RCOR2: variants seen among roughly 807,000 people sequenced by gnomAD.
The protein encoded by RCOR2 is REST corepressor 2.
Under a neutral mutation model 58.9 loss-of-function variants are expected in RCOR2, and 19 were observed. That is an observed-to-expected ratio of 0.32 (90% CI 0.23 to 0.47). The LOEUF (loss-of-function observed/expected upper bound fraction) is 0.47, where lower values mean the gene tolerates loss of function less well. RCOR2 is among the 20% of genes least tolerant of loss of function. The probability of loss-of-function intolerance (pLI) is 1.00; values close to 1 mark genes in which losing one functional copy is unlikely to be tolerated. For missense variants in RCOR2, 590 were observed against 707.9 expected, an observed-to-expected ratio of 0.83 and a Z score of 1.89; for synonymous variants, 286 against 278.7, an observed-to-expected ratio of 1.03 and a Z score of -0.26.
At chr11:63,923,089 TTGTC>T in the RCOR2 span, among the ~76,000 whole-genome samples, 1 of 151,936 alleles carries the variant, frequency 6.6e-6, no homozygotes, top group Non-Finnish European at 1.5e-5. Context: ...TTCATGGCCT[TTGTC>T]TGCTCCTTCC....
rs1355794605 is a variant in RCOR2, at chr11:63,914,716, T to G, written c.419A>C (p.Lys140Thr). 6.2e-7 allele frequency: 1 copy of G among 1,613,116 alleles called. No homozygotes were observed. ...PFPDEWTVED[K>T]VLFEQAFGFH... ...GCCAAAGGCCTGTTCAAACAGCACCTTGTCCTCTACTGTCCACTCGTCAGG... is the reference window on the plus strand; with the variant it reads ...GCCAAAGGCCTGTTCAAACAGCACCGTGTCCTCTACTGTCCACTCGTCAGG... Residue 140 changes from lysine to threonine, a missense_variant, in exon 5 of 12, where the codon AAG (lysine) becomes ACG (threonine). Coordinates refer to ENST00000301459, the MANE Select transcript of RCOR2 (RefSeq NM_173587.4).
intron 6 of RCOR2, 25 bp downstream of exon 6, chr11:63,914,392 G>C (rs1449210611): frequency 1.2e-6 from 2 of 1,613,274 alleles, no homozygotes; most frequent in Non-Finnish European, 1.7e-6. Context: ...CTACCCCCAT[G>C]CCCAGTGCTT....
rs1243215633 is a variant in RCOR2 at position 63,916,784 on chromosome 11, G to C, written c.-328C>G. 2 of 262,278 alleles carry C rather than the reference G, an allele frequency of 7.6e-6. No homozygotes were observed. The highest frequency in any genetic ancestry group is 5.3e-5 in the Admixed American group (1 of 19,020). 16.2% of individuals were successfully genotyped at this position (262,278 alleles called of 1,614,324 possible). A position where few individuals can be genotyped will look rare whatever the true frequency, so the allele number is the denominator to read the frequency against. On this transcript the variant is annotated 5_prime_UTR_variant, in exon 1 of 12. Transcript: ENST00000301459. ...GGTTCCCCTGAAGTCGGGGCCCCCT[G>C]TCCTCGGGGCGCCCTGGAACCCCAC... is the stretch of plus-strand genomic sequence containing the variant.
In RCOR2 at chr11:63,911,803, G is replaced by T; in HGVS notation, c.*62C>A. On this transcript the variant is annotated 3_prime_UTR_variant, in exon 12 of 12. Transcript: ENST00000301459. ...CCCTTCTGTCCTCAGTGACACCAGAGATGCCTGGGGATGGCCAGCAAAGGG... is the reference window on the plus strand; with the variant it reads ...CCCTTCTGTCCTCAGTGACACCAGATATGCCTGGGGATGGCCAGCAAAGGG... The T allele has an allele frequency of 6.8e-7, 1 of 1,470,378 alleles. No homozygotes were observed. Among genetic ancestry groups the T allele is most frequent in the South Asian group, 1.4e-5 (1 of 71,334 alleles). 91.1% of individuals were successfully genotyped at this position (1,470,378 alleles called of 1,614,324 possible). A position where few individuals can be genotyped will look rare whatever the true frequency, so the allele number is the denominator to read the frequency against.
Position 63,912,894 on chromosome 11 carries a change from A to G in RCOR2, c.945T>C (p.Gly315=), listed in dbSNP as rs1329764494. The part of the protein sequence containing the change: ...NSSLRQALEG[G]IDPLRPPEAN... ...CCTCCGGGGGGCGTAGTGGATCAAT[A>G]CCGCCCTCCAGGGCTTGGCGCAGGC... The change falls in exon 9 of 12, where the codon GGT becomes GGC. Residue 315 remains glycine, a synonymous_variant. Transcript: ENST00000301459. 1 of 1,613,566 alleles carries G rather than the reference A, an allele frequency of 6.2e-7. No homozygotes were observed. Among genetic ancestry groups the G allele is most frequent in the Non-Finnish European group, 8.5e-7 (1 of 1,179,896 alleles).
the RCOR2 span, among the ~76,000 whole-genome samples, chr11:63,927,143 C>G: frequency 2.0e-5 from 3 of 151,872 alleles, no homozygotes; most frequent in Admixed American, 6.6e-5. Context: ...GCCTGGCCCC[C>G]TTGCTGTCTA....
rs779635396 is a variant in RCOR2, at chr11:63,916,331, G to A, written c.126C>T (p.His42=). 6 of 1,603,320 alleles carry A rather than the reference G, an allele frequency of 3.7e-6. No individual in the cohort carries two copies. The highest frequency in any genetic ancestry group is 5.1e-6 in the Non-Finnish European group (6 of 1,176,396). ...TTAACCCTAGGCCACCGGGCTCACC[G>A]TGCGAGTGCTCCTCCTCGCTGCTGT... is the stretch of plus-strand genomic sequence containing the variant. ...EDDSSEEEHS[H]DSMIRVGTNY... The change falls in exon 1 of 12, where the codon CAC becomes CAT. Residue 42 remains histidine (H), a splice_region_variant and synonymous_variant. Coordinates refer to ENST00000301459, the MANE Select transcript of RCOR2 (RefSeq NM_173587.4).
In RCOR2 at chr11:63,916,962, GGGCACCGGC is replaced by G. The variant is rs1434948716; in HGVS notation, c.-515_-507del. 1 of 132,402 alleles carries G rather than the reference GGGCACCGGC, an allele frequency of 7.6e-6. No homozygotes were observed. Among genetic ancestry groups the G allele is most frequent in the Non-Finnish European group, 1.7e-5 (1 of 59,394 alleles). The allele number at this position is 132,402 out of a possible 1,614,324, so 8.2% of individuals were successfully genotyped here. A position where few individuals can be genotyped will look rare whatever the true frequency, so the allele number is the denominator to read the frequency against. On this transcript the variant is annotated 5_prime_UTR_variant, in exon 1 of 12. Coordinates refer to ENST00000301459, the MANE Select transcript of RCOR2 (RefSeq NM_173587.4). ...CCCTGCCCGCGACGGCAGCCGGCCG[GGGCACCGGC>G]GGCGGCGGCGGCGGCGACGGCGGCG...
At chr11:63,921,979 A>G (rs1242671952), upstream of RCOR2, among the ~76,000 whole-genome samples, 1 of 152,222 alleles carries the variant, frequency 6.6e-6, no homozygotes, top group African/African-American at 2.4e-5. Context: ...GGCATGAGGC[A>G]GTGCCCTCAG....
chr11:63,927,573 A>G, the RCOR2 span, among the ~76,000 whole-genome samples: 1 of 152,088 alleles, frequency 6.6e-6, no homozygotes, highest in Non-Finnish European at 1.5e-5. Flanking sequence ...CTGACCCCAC[A>G]TACCTTTTTA....
At position 63,914,409 on chromosome 11, in the gene RCOR2, GC is replaced by G. The variant is rs750521031; in HGVS notation, c.605+7del. 5.5e-5 allele frequency: 89 copies of G among 1,613,310 alleles called. 1 individual carries two copies. In the African/African-American group the frequency reaches 1.0e-3, roughly 18 times the overall value. ...ACCCCCATGCCCAGTGCTTGCTCCT[GC>G]CCCCACCTGTCTTCTTTGTCCTTGC... is the stretch of plus-strand genomic sequence containing the variant. On this transcript the variant is annotated splice_region_variant and intron_variant, in intron 6 of 11. Transcript: ENST00000301459.
chr11:63,913,780 C>G (rs1466714888), intron 8 of RCOR2, among the ~76,000 whole-genome samples, 174 bp downstream of exon 8: 1 of 152,204 alleles, frequency 6.6e-6, no homozygotes, highest in Admixed American at 6.5e-5. Context: ...GCGCACCCAG[C>G]CTGCAGACCA....
At position 63,911,865 on chromosome 11, in the gene RCOR2, T is replaced by C; in HGVS notation, c.1572A>G (p.Ter524TrpextTer38). The change falls in exon 12 of 12, where the codon TGA becomes TGG. Residue 524 changes from the stop codon to tryptophan (W), a stop_lost. Transcript: ENST00000301459. Reference sequence around the variant, plus strand: ...CGTGGTTGGTGGAGGACGTCAGGGCTCAGAGTGAGGGTGCTGGGGGCTCCA... The same window carrying C: ...CGTGGTTGGTGGAGGACGTCAGGGCCCAGAGTGAGGGTGCTGGGGGCTCCA... ...TPLEPPAPSL[*>W] The C allele has an allele frequency of 6.8e-7, 1 of 1,464,478 alleles. No individual in the cohort carries two copies. The highest frequency in any genetic ancestry group is 9.0e-7 in the Non-Finnish European group (1 of 1,114,108). The allele number at this position is 1,464,478 out of a possible 1,614,324, so 90.7% of individuals were successfully genotyped here.
Position 63,911,918 on chromosome 11 carries a change from G to A in RCOR2, c.1519C>T (p.Pro507Ser), listed in dbSNP as rs992833469. 7.8e-7 allele frequency: 1 copy of A among 1,285,008 alleles called. No individual in the cohort carries two copies. Among genetic ancestry groups the A allele is most frequent in the Non-Finnish European group, 1.0e-6 (1 of 959,856 alleles). 79.6% of individuals were successfully genotyped at this position (1,285,008 alleles called of 1,614,324 possible). ...GGGGTTCCAATCAGGGTGGGTGGGG[G>A]CTGAGGGCCAGGGCGGGCGCTGTGG... ...PRHSARPGPQ[P>S]PPTLIGTPLE... The change falls in exon 12 of 12, where the codon CCC becomes TCC. Residue 507 changes from proline to serine, a missense_variant. Transcript: ENST00000301459.
chr11:63,922,955 G>A, the RCOR2 span, among the ~76,000 whole-genome samples: 3 of 152,110 alleles, frequency 2.0e-5, no homozygotes, highest in Admixed American at 1.3e-4. Context: ...TTCTGGCTGA[G>A]CAGTGAGTAC....
chr11:63,927,235 C>T, the RCOR2 span, among the ~76,000 whole-genome samples: 1 of 151,914 alleles, frequency 6.6e-6, no homozygotes, highest in African/African-American at 2.4e-5. Context: ...TCACTTATCA[C>T]GATCTAATGG....
At chr11:63,925,004 C>T in the RCOR2 span, among the ~76,000 whole-genome samples, 10 of 152,032 alleles carry the variant, frequency 6.6e-5, no homozygotes. Context: ...GTGCCTGCCA[C>T]CACGCCCAGC....
chr11:63,911,547 C>A lies in RCOR2; in HGVS notation c.*318G>T, dbSNP rs796253269. 7.5e-5 allele frequency: 19 copies of A among 254,632 alleles called. No individual in the cohort carries two copies. In the South Asian group the frequency reaches 1.6e-3, roughly 22 times the overall value. 15.8% of individuals were successfully genotyped at this position (254,632 alleles called of 1,614,324 possible). ...TCCCCACTCCACGCTAAGGTCACTA[C>A]CCCGGACACACAAAGGGCAGGACCC... is the stretch of plus-strand genomic sequence containing the variant. On this transcript the variant is annotated 3_prime_UTR_variant, in exon 12 of 12. Transcript: ENST00000301459.
In RCOR2 at chr11:63,913,989, C is replaced by G. The variant is rs1254122824; in HGVS notation, c.856G>C (p.Gly286Arg). 1.2e-6 allele frequency: 2 copies of G among 1,613,808 alleles called. No individual in the cohort carries two copies. The highest frequency in any genetic ancestry group is 1.7e-6 in the Non-Finnish European group (2 of 1,180,022). The stretch of plus-strand genomic sequence containing the variant: ...AGGGAGATGAGCTGAGAGTCAAGAC[C>G]TCGGAGCGTGAGGTTGGCAAGGTCC... ...SPDLANLTLR[G>R]LDSQLISLKR... Residue 286 changes from glycine to arginine, a missense_variant, in exon 8 of 12, where the codon GGT becomes CGT. Gly to Arg is a moderately radical substitution (Grantham distance 125). Transcript: ENST00000301459.
Sources: gnomAD v4.1 joint callset for allele counts (sites outside exome capture counted in the v4.1 genomes callset) on GRCh38, gnomAD v4.1.1 for gene constraint, MANE v1.5 for transcripts, NCBI Gene and HGNC (gene_info 2026-07-23, HGNC 2026-07-21) for gene names.